NEIL3: variants seen among roughly 807,000 people sequenced by gnomAD.
The protein encoded by NEIL3 is endonuclease 8-like 3.
A neutral mutation model predicts 57.5 loss-of-function variants in NEIL3; 48 were observed. That is an observed-to-expected ratio of 0.83 (90% CI 0.66 to 1.06). NEIL3 has a LOEUF of 1.06. Among genes scored for constraint, NEIL3 ranks in the 50% least tolerant of loss-of-function variants. The pLI, the probability that NEIL3 is intolerant of heterozygous loss-of-function variation, is 0.00. For synonymous variants in NEIL3, 261 were observed against 253.2 expected (o/e 1.03, Z -0.29); for missense variants, 717 against 739.1 (o/e 0.97, Z 0.35).
chr4:177,340,747 A>C (rs1735075019), intron 5 of NEIL3, among the ~76,000 whole-genome samples: 1 of 152,168 alleles, frequency 6.6e-6, no homozygotes. Context: ...ATACGTGGTG[A>C]GCCATATTTC....
Position 177,314,991 on chromosome 4 carries a change from C to A in NEIL3, c.156+4882C>A, listed in dbSNP as rs538263107. Among the ~76,000 whole-genome samples, 45 of 150,642 alleles carry A rather than the reference C, an allele frequency of 3.0e-4. 1 individual carries two copies. The highest frequency in any genetic ancestry group is 2.1e-3 in the Admixed American group (31 of 15,094). ...GGCTGAGGCAGGAGAATGGCGTGAACCCAGGAGGTGGAGCTTGCAGTGAGC... is the reference window on the plus strand; with the variant it reads ...GGCTGAGGCAGGAGAATGGCGTGAAACCAGGAGGTGGAGCTTGCAGTGAGC... On this transcript the variant is annotated intron_variant, in intron 1 of 9. Coordinates refer to ENST00000264596, the MANE Select transcript of NEIL3 (RefSeq NM_018248.3).
At chr4:177,332,585 A>G (rs1318425639) in intron 2 of NEIL3, among the ~76,000 whole-genome samples, 1 of 152,124 alleles carries the variant, frequency 6.6e-6, no homozygotes, top group East Asian at 1.9e-4. Context: ...ACAGAGTTTC[A>G]TGAAGACAGG....
chr4:177,326,970 G>T (rs978998098), intron 2 of NEIL3, among the ~76,000 whole-genome samples: 1 of 152,128 alleles, frequency 6.6e-6, no homozygotes, highest in African/African-American at 2.4e-5. Context: ...GTGTCGAGGT[G>T]TGGGGGGGCA....
intron 9 of NEIL3, among the ~76,000 whole-genome samples, chr4:177,361,688 A>G (rs1735610264): frequency 6.6e-6 from 1 of 152,176 alleles, no homozygotes; most frequent in Non-Finnish European, 1.5e-5. Flanking sequence ...AATATAATAG[A>G]ATCTGTCTAA....
chr4:177,318,067 C>T (rs186156877), intron 1 of NEIL3, among the ~76,000 whole-genome samples: 61 of 152,144 alleles, frequency 4.0e-4, no homozygotes, highest in African/African-American at 1.4e-3. Flanking sequence ...CCGTTCTTTT[C>T]ATAAACTGTA....
At chr4:177,320,466 C>CT (rs34353849) in intron 1 of NEIL3, among the ~76,000 whole-genome samples, 36 of 77,452 alleles carry the variant, frequency 4.6e-4, no homozygotes, top group East Asian at 1.5e-3. Flanking sequence ...TGACTGCTGT[C>CT]TTTTTTTTTT....
At chr4:177,358,379 C>T (rs1018135484) in intron 8 of NEIL3, among the ~76,000 whole-genome samples, 5 of 152,252 alleles carry the variant, frequency 3.3e-5, no homozygotes, top group African/African-American at 1.2e-4. Context: ...GCGATCTCAG[C>T]TCACTGCAAC....
chr4:177,312,086 T>G (rs1734488237), intron 1 of NEIL3, among the ~76,000 whole-genome samples: 1 of 152,168 alleles, frequency 6.6e-6, no homozygotes, highest in South Asian at 2.1e-4. Context: ...ACATTTCCTT[T>G]TAAGTTTTGT....
chr4:177,352,755 G>C (rs1297199259), intron 7 of NEIL3, among the ~76,000 whole-genome samples: 2 of 151,850 alleles, frequency 1.3e-5, no homozygotes, highest in Non-Finnish European at 2.9e-5. Context: ...GCGTGAACCC[G>C]GGAGGCGGAG....
intron 7 of NEIL3, among the ~76,000 whole-genome samples, chr4:177,352,839 A>C (rs35387162): frequency 0.032 from 4,420 of 138,322 alleles, 194 homozygotes; most frequent in African/African-American, 0.1. Context: ...CAAAAAAAAA[A>C]AAAGAAGATG....
intron 2 of NEIL3, among the ~76,000 whole-genome samples, chr4:177,329,204 G>A (rs1734836383): frequency 6.6e-6 from 1 of 152,188 alleles, no homozygotes; most frequent in East Asian, 1.9e-4. Flanking sequence ...ACAAAGAACA[G>A]ATGGAACAAA....
At chr4:177,352,747 G>T (rs970670690) in intron 7 of NEIL3, among the ~76,000 whole-genome samples, 1 of 151,760 alleles carries the variant, frequency 6.6e-6, no homozygotes, top group African/African-American at 2.4e-5. Flanking sequence ...GGAGAATGGC[G>T]TGAACCCGGG....
downstream of NEIL3, among the ~76,000 whole-genome samples, chr4:177,366,529 G>A (rs1179772978): frequency 6.6e-6 from 1 of 152,152 alleles, no homozygotes; most frequent in Non-Finnish European, 1.5e-5. Flanking sequence ...CTCCTGAGTA[G>A]CTGGGATTAC....
intron 2 of NEIL3, among the ~76,000 whole-genome samples, chr4:177,324,673 C>A (rs1734746003): frequency 6.6e-6 from 1 of 152,102 alleles, no homozygotes; most frequent in Non-Finnish European, 1.5e-5. Flanking sequence ...AACTCTTCAA[C>A]TAAAACAACA....
At chr4:177,359,291 A>G (rs1031940677) in intron 8 of NEIL3, among the ~76,000 whole-genome samples, 6 of 152,236 alleles carry the variant, frequency 3.9e-5, no homozygotes, top group Non-Finnish European at 5.9e-5. Context: ...ACAAATGGCT[A>G]TTGAAGAAAC....
At chr4:177,357,341 T>C (rs953659) in intron 8 of NEIL3, among the ~76,000 whole-genome samples, 48,756 of 151,914 alleles carry the variant, frequency 0.32, 7,942 homozygotes, top group East Asian at 0.45. Context: ...TTGTGAACTT[T>C]CTTAAAACGT....
rs35380784 is a variant in NEIL3, at chr4:177,319,374, T to G, written c.157-3085T>G. Among the ~76,000 whole-genome samples, 587 of 152,306 alleles carry G rather than the reference T, an allele frequency of 3.9e-3. 4 individuals are homozygous for G. Among genetic ancestry groups the G allele is most frequent in the African/African-American group, 0.013 (552 of 41,568 alleles). ...TCAGGTGCACTGAGAAGCAGTGATA[T>G]GGTAGCTGACATAGGATTTCATAAT... is the stretch of plus-strand genomic sequence containing the variant. On this transcript the variant is annotated intron_variant, in intron 1 of 9. Coordinates refer to ENST00000264596, the MANE Select transcript of NEIL3 (RefSeq NM_018248.3).
At chr4:177,324,837 G>A (rs955378471) in intron 2 of NEIL3, among the ~76,000 whole-genome samples, 3 of 152,118 alleles carry the variant, frequency 2.0e-5, no homozygotes, top group Non-Finnish European at 4.4e-5. Flanking sequence ...CACATTGCCA[G>A]TATAGTGTGT....
chr4:177,336,584 A>G (rs891972438), intron 4 of NEIL3, among the ~76,000 whole-genome samples: 1 of 152,086 alleles, frequency 6.6e-6, no homozygotes, highest in African/African-American at 2.4e-5. Flanking sequence ...TGTTCTCTCC[A>G]TACCAGGTAT....
Sources: allele counts gnomAD v4.1 joint callset (sites outside exome capture counted in the v4.1 genomes callset), GRCh38; gene constraint gnomAD v4.1.1; transcripts MANE v1.5; gene names NCBI Gene and HGNC (gene_info 2026-07-23, HGNC 2026-07-21).